Variants in PMFBP1 observed in about 807,000 individuals in gnomAD.
PMFBP1 encodes the protein polyamine-modulated factor 1-binding protein 1.
Under a neutral mutation model 137.8 loss-of-function variants are expected in PMFBP1, and 131 were observed. That is an observed-to-expected ratio of 0.95 (90% CI 0.82 to 1.10). The LOEUF (loss-of-function observed/expected upper bound fraction) is 1.10, where lower values mean the gene tolerates loss of function less well. PMFBP1 is among the 50% of genes least tolerant of loss of function. The pLI is 0.00. For missense variants in PMFBP1, 1,199 were observed against 1,175.4 expected, an observed-to-expected ratio of 1.02 and a Z score of -0.29; for synonymous variants, 490 against 450.4, an observed-to-expected ratio of 1.09 and a Z score of -1.11.
At chr16:72,175,630 G>T (rs1354137594), upstream of PMFBP1, among the ~76,000 whole-genome samples, 1 of 152,176 alleles carries the variant, frequency 6.6e-6, no homozygotes, top group Non-Finnish European at 1.5e-5. Context: ...CGGGTTTTCA[G>T]GAAAGAGATG....
the PMFBP1 span, among the ~76,000 whole-genome samples, chr16:72,246,573 C>T: frequency 6.6e-6 from 1 of 151,944 alleles, no homozygotes; most frequent in South Asian, 2.1e-4. Flanking sequence ...CTCATCACTC[C>T]TCTTTCTCCA....
the PMFBP1 span, among the ~76,000 whole-genome samples, chr16:72,214,200 G>C: frequency 1.4e-5 from 2 of 147,248 alleles, no homozygotes; most frequent in African/African-American, 5.0e-5. Flanking sequence ...TTCATTATAA[G>C]TTTTTTTTTT....
chr16:72,153,218 T>G (rs946712009), intron 4 of PMFBP1, among the ~76,000 whole-genome samples: 1 of 152,208 alleles, frequency 6.6e-6, no homozygotes. Context: ...TAGATTATAT[T>G]TGTAGGATTA....
chr16:72,160,388 G>A (rs2043044037), intron 3 of PMFBP1, among the ~76,000 whole-genome samples: 1 of 152,030 alleles, frequency 6.6e-6, no homozygotes, highest in Non-Finnish European at 1.5e-5. Context: ...ATCCTTTTGA[G>A]TTCTCAAAAA....
chr16:72,117,815 G>A (rs1431566803), downstream of PMFBP1, among the ~76,000 whole-genome samples: 7 of 152,136 alleles, frequency 4.6e-5, no homozygotes, highest in African/African-American at 1.7e-4. Context: ...ACAAATTATA[G>A]GCAGGCAACA....
chr16:72,120,173 C>T, intron 19 of PMFBP1, 84 bp from the exon 20 acceptor site: 4 of 1,597,934 alleles, frequency 2.5e-6, no homozygotes, highest in Middle Eastern at 1.9e-4. Context: ...ATAAAGGTGT[C>T]ACAGGGAAGA....
At chr16:72,242,238 C>T in the PMFBP1 span, among the ~76,000 whole-genome samples, 53 of 152,168 alleles carry the variant, frequency 3.5e-4, no homozygotes, top group Non-Finnish European at 3.8e-4. Context: ...GGGGACTGGG[C>T]GCATTAGCGC....
At chr16:72,159,787 G>C (rs534514064) in intron 3 of PMFBP1, among the ~76,000 whole-genome samples, 1 of 135,932 alleles carries the variant, frequency 7.4e-6, no homozygotes, top group South Asian at 2.7e-4. Flanking sequence ...ATTTCCTATT[G>C]CTTCTTTGTC....
the PMFBP1 span, among the ~76,000 whole-genome samples, chr16:72,211,605 A>G: frequency 6.6e-6 from 1 of 152,228 alleles, no homozygotes; most frequent in African/African-American, 2.4e-5. Context: ...TTAAAAAAGA[A>G]AAAAACCTTC....
the PMFBP1 span, among the ~76,000 whole-genome samples, chr16:72,199,167 T>C: frequency 1.3e-5 from 2 of 152,182 alleles, no homozygotes; most frequent in Admixed American, 1.3e-4. Context: ...TCAGGTGTTG[T>C]CAGCAGTCCG....
rs369130975 is a variant in PMFBP1, at chr16:72,150,625, C to T, written c.619G>A (p.Gly207Ser). 33 of 1,613,106 alleles carry T rather than the reference C, an allele frequency of 2.0e-5. No individual in the cohort carries two copies. The African/African-American group carries it at 3.6e-4, about 18-fold the overall frequency. Reference protein sequence around the residue: ...CQVKMLQGELGGIMGQEPENK... With the variant: ...CQVKMLQGELSGIMGQEPENK... ...AGTCCTACCTGACCCATGATCCCGC[C>T]GAGTTCCCCCTGCAACATCTTCACT... Residue 207 changes from glycine to serine, a missense_variant, in exon 5 of 21, where the codon GGC becomes AGC. By Grantham distance (56) the Gly-to-Ser change is moderately conservative. Transcript: ENST00000237353.
intron 3 of PMFBP1, 91 bp downstream of exon 3, chr16:72,164,673 A>G (rs983518971): frequency 7.7e-5 from 112 of 1,458,358 alleles, no homozygotes; most frequent in Admixed American, 3.8e-4. Flanking sequence ...TCCTGAATGA[A>G]CAGTGGAAGA....
the PMFBP1 span, among the ~76,000 whole-genome samples, chr16:72,201,906 C>T: frequency 6.6e-6 from 1 of 152,186 alleles, no homozygotes; most frequent in Non-Finnish European, 1.5e-5. Flanking sequence ...AGGAAGGCCT[C>T]CCAGATCCTT....
the PMFBP1 span, among the ~76,000 whole-genome samples, chr16:72,228,979 G>A: frequency 3.8e-4 from 58 of 151,776 alleles, no homozygotes; most frequent in Middle Eastern, 3.2e-3. Context: ...TACCCCATTG[G>A]TAGAGAATGA....
the PMFBP1 span, among the ~76,000 whole-genome samples, chr16:72,230,142 C>T: frequency 6.6e-6 from 1 of 152,130 alleles, no homozygotes; most frequent in African/African-American, 2.4e-5. Flanking sequence ...CATTTGTGTG[C>T]TTTTACTGAC....
At position 72,140,584 on chromosome 16, in the gene PMFBP1, T is replaced by C. The variant is rs375729005; in HGVS notation, c.637-2A>G. 5 of 1,609,426 alleles carry C rather than the reference T, an allele frequency of 3.1e-6. No homozygotes were observed. Among genetic ancestry groups the C allele is most frequent in the Non-Finnish European group, 4.2e-6 (5 of 1,177,056 alleles). On this transcript the variant is annotated splice_acceptor_variant, in intron 5 of 20. Transcript: ENST00000237353. LOFTEE classifies it high-confidence loss of function. ...ATGATCACCCTTGTTCTCAGGCTCC[T>C]GAGAGATTTAAAAATAATGGGTTGA...
chr16:72,219,252 C>T, the PMFBP1 span, among the ~76,000 whole-genome samples: 4 of 152,192 alleles, frequency 2.6e-5, no homozygotes, highest in East Asian at 1.9e-4. Flanking sequence ...AGGAGAGAAT[C>T]GCTGTAGGGC....
the PMFBP1 span, among the ~76,000 whole-genome samples, chr16:72,233,891 A>G: frequency 1.3e-5 from 2 of 152,162 alleles, no homozygotes; most frequent in East Asian, 1.9e-4. Context: ...AGGCTTATCC[A>G]TGTTGTTAAC....
the PMFBP1 span, among the ~76,000 whole-genome samples, chr16:72,245,556 C>G: frequency 6.6e-6 from 1 of 152,212 alleles, no homozygotes; most frequent in Non-Finnish European, 1.5e-5. Flanking sequence ...TGCATATGGT[C>G]CTGAAAACAC....
Sources: gnomAD v4.1 joint callset for allele counts (sites outside exome capture counted in the v4.1 genomes callset) on GRCh38, gnomAD v4.1.1 for gene constraint, MANE v1.5 for transcripts, NCBI Gene and HGNC (gene_info 2026-07-23, HGNC 2026-07-21) for gene names.